Variants in CHCHD6 observed in about 807,000 individuals in gnomAD.
The protein encoded by CHCHD6 is MICOS complex subunit MIC25.
A neutral mutation model predicts 32.3 loss-of-function variants in CHCHD6; 28 were observed. The ratio of observed to expected loss-of-function variants is 0.87; its 90% CI spans 0.64 to 1.19. The LOEUF (loss-of-function observed/expected upper bound fraction) is 1.19. Ranked by LOEUF, CHCHD6 falls within the 50% of genes most tolerant of loss-of-function variation. The pLI, the probability that CHCHD6 is intolerant of heterozygous loss-of-function variation, is 0.00. For missense variants in CHCHD6, 333 were observed against 307.0 expected, an observed-to-expected ratio of 1.08 and a Z score of -0.63; for synonymous variants, 122 against 117.5, an observed-to-expected ratio of 1.04 and a Z score of -0.25.
chr3:126,852,043 G>A (rs972956787), intron 4 of CHCHD6, among the ~76,000 whole-genome samples: 3 of 152,176 alleles, frequency 2.0e-5, no homozygotes, highest in African/African-American at 7.2e-5. Context: ...CCATCAGGCG[G>A]GTGAGGAAGC....
chr3:126,898,080 G>A (rs1414248470), intron 5 of CHCHD6, among the ~76,000 whole-genome samples: 1 of 152,216 alleles, frequency 6.6e-6, no homozygotes, highest in Non-Finnish European at 1.5e-5. Context: ...CTCCATTAGA[G>A]TTTTCACAGG....
intron 4 of CHCHD6, among the ~76,000 whole-genome samples, chr3:126,743,751 A>G (rs1280375998): frequency 6.6e-6 from 1 of 152,270 alleles, no homozygotes; most frequent in East Asian, 1.9e-4. Context: ...GCCATCTGAG[A>G]GTGGCATTGG....
At chr3:126,940,352 A>G (rs980775283) in intron 6 of CHCHD6, among the ~76,000 whole-genome samples, 1 of 152,202 alleles carries the variant, frequency 6.6e-6, no homozygotes, top group Non-Finnish European at 1.5e-5. Flanking sequence ...GCTGTGCACA[A>G]TATTTGTATA....
chr3:126,746,138 G>T (rs1261384502), intron 4 of CHCHD6, among the ~76,000 whole-genome samples: 1 of 152,200 alleles, frequency 6.6e-6, no homozygotes, highest in African/African-American at 2.4e-5. Flanking sequence ...CACGTATCAG[G>T]TAACAAAGCT....
intron 4 of CHCHD6, among the ~76,000 whole-genome samples, chr3:126,753,575 G>A (rs1380812873): frequency 6.6e-6 from 1 of 152,188 alleles, no homozygotes; most frequent in Non-Finnish European, 1.5e-5. Flanking sequence ...ACCTTATTGG[G>A]ACCTTGGCTA....
At chr3:126,820,489 G>C (rs989332414) in intron 4 of CHCHD6, among the ~76,000 whole-genome samples, 4 of 152,106 alleles carry the variant, frequency 2.6e-5, no homozygotes, top group African/African-American at 9.7e-5. Flanking sequence ...AGTGTTCCTG[G>C]CTTTCTGGTT....
At chr3:126,950,340 G>A (rs1235386342) in intron 6 of CHCHD6, among the ~76,000 whole-genome samples, 3 of 152,180 alleles carry the variant, frequency 2.0e-5, no homozygotes, top group Non-Finnish European at 2.9e-5. Flanking sequence ...AAGAAGGGAG[G>A]TCTGCAGAGA....
intron 4 of CHCHD6, among the ~76,000 whole-genome samples, chr3:126,804,067 T>C (rs1939227180): frequency 6.6e-6 from 1 of 151,340 alleles, no homozygotes; most frequent in African/African-American, 2.4e-5. Context: ...CAAAGCAGTG[T>C]GTAGAGGGAA....
At chr3:126,763,267 C>A (rs1007571288) in intron 4 of CHCHD6, among the ~76,000 whole-genome samples, 1 of 148,588 alleles carries the variant, frequency 6.7e-6, no homozygotes, top group Non-Finnish European at 1.5e-5. Context: ...CTTTCCTTCC[C>A]CTCCCCTCCC....
rs966248710 is a variant in CHCHD6 at position 126,786,082 on chromosome 3, G to GT, written c.411+52866dup. ...TATGAGTGAGAACATGCGGTGTTTG[G>GT]TTTTTTGTTCTTGTGATAGTTTGCT... On this transcript the variant is annotated intron_variant, in intron 4 of 7. Transcript: ENST00000290913. Among the ~76,000 whole-genome samples the GT allele has an allele frequency of 3.3e-5, 5 of 152,226 alleles. No individual in the cohort carries two copies. In the South Asian group the frequency reaches 1.0e-3, roughly 32 times the overall value.
intron 1 of CHCHD6, among the ~76,000 whole-genome samples, chr3:126,720,141 C>T (rs1329007086): frequency 1.3e-5 from 2 of 152,198 alleles, no homozygotes; most frequent in South Asian, 2.1e-4. Context: ...CTCGGCCTCC[C>T]AAAGAGCTGA....
At chr3:126,862,231 T>A (rs1480840768) in intron 5 of CHCHD6, among the ~76,000 whole-genome samples, 1 of 103,726 alleles carries the variant, frequency 9.6e-6, no homozygotes, top group Non-Finnish European at 2.0e-5. Flanking sequence ...CTCCTCCTCC[T>A]CCTCCATCAC....
chr3:126,960,301 C>A lies in CHCHD6; in HGVS notation c.*100C>A. 1.4e-6 allele frequency: 2 copies of A among 1,415,168 alleles called. No homozygotes were observed. The highest frequency in any genetic ancestry group is 9.7e-7 in the Non-Finnish European group (1 of 1,027,244). 87.7% of individuals were successfully genotyped at this position (1,415,168 alleles called of 1,614,324 possible). A position where few individuals can be genotyped will look rare whatever the true frequency, so the allele number is the denominator to read the frequency against. On this transcript the variant is annotated 3_prime_UTR_variant, in exon 8 of 8. Transcript: ENST00000290913. ...CTGTGCCCTGCCGTTTCCTGCTGGG[C>A]CCCTGCATATGCCCCTGAGCCTGGG...
intron 4 of CHCHD6, among the ~76,000 whole-genome samples, chr3:126,820,103 A>AT (rs1267426016): frequency 3.3e-5 from 5 of 151,892 alleles, no homozygotes; most frequent in Admixed American, 6.6e-5. Flanking sequence ...GCCATGACCT[A>AT]TTTTTTTCCA....
chr3:126,895,030 A>G (rs539581550), intron 5 of CHCHD6, among the ~76,000 whole-genome samples: 1 of 152,228 alleles, frequency 6.6e-6, no homozygotes, highest in Non-Finnish European at 1.5e-5. Flanking sequence ...TGTAATGCAT[A>G]TTCAAGCATA....
intron 4 of CHCHD6, among the ~76,000 whole-genome samples, chr3:126,794,188 T>G (rs1326808907): frequency 6.6e-6 from 1 of 151,940 alleles, no homozygotes; most frequent in East Asian, 1.9e-4. Flanking sequence ...TTTTTCTGTA[T>G]CATACGTTTC....
chr3:126,742,334 G>T (rs570006314), intron 4 of CHCHD6, among the ~76,000 whole-genome samples: 1 of 152,202 alleles, frequency 6.6e-6, no homozygotes, highest in Non-Finnish European at 1.5e-5. Flanking sequence ...GGCTGCTGCT[G>T]GTCTGGTTAC....
intron 4 of CHCHD6, among the ~76,000 whole-genome samples, chr3:126,778,952 A>C (rs1250589450): frequency 2.1e-5 from 3 of 145,180 alleles, no homozygotes; most frequent in Non-Finnish European, 3.0e-5. Context: ...TTTTTGGTAG[A>C]GAGAGGGTCT....
chr3:126,861,713 CCAT>C (rs1941884203), intron 5 of CHCHD6, among the ~76,000 whole-genome samples: 1 of 140,076 alleles, frequency 7.1e-6, no homozygotes, highest in Admixed American at 7.1e-5. Flanking sequence ...CCCTCCACGA[CCAT>C]CACCACCTCC....
Sources: allele counts gnomAD v4.1 joint callset (sites outside exome capture counted in the v4.1 genomes callset), GRCh38; gene constraint gnomAD v4.1.1; transcripts MANE v1.5; gene names NCBI Gene and HGNC (gene_info 2026-07-23, HGNC 2026-07-21).